BRAF: variants seen among roughly 807,000 people sequenced by gnomAD.
BRAF encodes B-Raf proto-oncogene, serine/threonine kinase.
BRAF carries 16 observed loss-of-function variants against 104.6 expected under a neutral mutation model. The ratio of observed to expected loss-of-function variants is 0.15; its 90% CI spans 0.10 to 0.23. The LOEUF (loss-of-function observed/expected upper bound fraction) is 0.23. Among genes scored for constraint, BRAF ranks in the 10% least tolerant of loss-of-function variants. The pLI is 1.00. For missense variants in BRAF, 541 were observed against 937.3 expected (o/e 0.58, Z 5.52); for synonymous variants, 310 against 341.6 (o/e 0.91, Z 1.02).
chr7:140,810,735 T>A (rs925865621), intron 3 of BRAF, among the ~76,000 whole-genome samples: 1 of 152,204 alleles, frequency 6.6e-6, no homozygotes, highest in Non-Finnish European at 1.5e-5. Flanking sequence ...TAAAATTTAT[T>A]TGTAACTCTA....
At chr7:140,846,353 A>C (rs1018373612) in intron 2 of BRAF, among the ~76,000 whole-genome samples, 4 of 152,226 alleles carry the variant, frequency 2.6e-5, no homozygotes, top group African/African-American at 9.6e-5. Flanking sequence ...TATATGCATT[A>C]TCCTTGTTGC....
intron 1 of BRAF, among the ~76,000 whole-genome samples, chr7:140,883,634 G>C (rs1813193975): frequency 1.3e-5 from 2 of 152,076 alleles, no homozygotes; most frequent in Admixed American, 6.6e-5. Context: ...AGATCATTCT[G>C]GCTTTCTGCC....
intron 14 of BRAF, among the ~76,000 whole-genome samples, chr7:140,774,645 T>C (rs746403882): frequency 2.8e-4 from 43 of 152,116 alleles, no homozygotes; most frequent in Non-Finnish European, 5.4e-4. Flanking sequence ...GCCTAGTGAG[T>C]AGCTAGGACT....
intron 3 of BRAF, among the ~76,000 whole-genome samples, chr7:140,821,746 A>G (rs983425845): frequency 2.0e-5 from 3 of 152,154 alleles, no homozygotes; most frequent in Non-Finnish European, 4.4e-5. Context: ...ATATACATCC[A>G]AAAGAAAATG....
At chr7:140,781,345 T>A in intron 12 of BRAF, 1 of 538,176 alleles carries the variant, frequency 1.9e-6, no homozygotes, top group South Asian at 2.2e-5. Flanking sequence ...CTGGAGGAAT[T>A]CCCCTTTAAA....
At position 140,721,549 on chromosome 7, in the gene BRAF, C is replaced by T. The variant is rs1437355658; in HGVS notation, c.*4945G>A. ...ATCTTACCAGTATTTTTAATTTTAC[C>T]AGAGCTAGCAACATGGACCACAGAT... On this transcript the variant is annotated 3_prime_UTR_variant, in exon 20 of 20. Coordinates refer to ENST00000644969, the MANE Select transcript of BRAF (RefSeq NM_001374258.1). 1 of 1,454,824 alleles carries T rather than the reference C, an allele frequency of 6.9e-7. No homozygotes were observed. Among genetic ancestry groups the T allele is most frequent in the South Asian group, 1.4e-5 (1 of 70,172 alleles). 90.1% of individuals were successfully genotyped at this position (1,454,824 alleles called of 1,614,324 possible).
chr7:140,873,119 G>T (rs928746098), intron 1 of BRAF, among the ~76,000 whole-genome samples: 1 of 150,500 alleles, frequency 6.6e-6, no homozygotes, highest in Non-Finnish European at 1.5e-5. Flanking sequence ...CAGTGCTCTG[G>T]ACTTCAGCTA....
intron 1 of BRAF, among the ~76,000 whole-genome samples, chr7:140,873,560 CTG>C (rs150740907): frequency 1.3e-5 from 2 of 152,088 alleles, no homozygotes; most frequent in Non-Finnish European, 2.9e-5. Flanking sequence ...CAGCTAGAGA[CTG>C]TGTGTGTGTG....
Position 140,723,122 on chromosome 7 carries a change from G to A in BRAF, c.*3372C>T, listed in dbSNP as rs544027949. On this transcript the variant is annotated 3_prime_UTR_variant, in exon 20 of 20. Coordinates refer to ENST00000644969, the MANE Select transcript of BRAF (RefSeq NM_001374258.1). ...CACCTGAACCCTGCAATGTGGTTTC[G>A]AACTAAAGCTAGAGATGAGGTTTGC... 22 of 1,050,956 alleles carry A rather than the reference G, an allele frequency of 2.1e-5. No individual in the cohort carries two copies. Among genetic ancestry groups the A allele is most frequent in the Middle Eastern group, 4.3e-4 (1 of 2,314 alleles). The allele number at this position is 1,050,956 out of a possible 1,614,324, so 65.1% of individuals were successfully genotyped here.
intron 16 of BRAF, among the ~76,000 whole-genome samples, chr7:140,751,352 G>T (rs987383664): frequency 6.6e-6 from 1 of 152,198 alleles, no homozygotes; most frequent in East Asian, 1.9e-4. Context: ...TTTAGGTTTT[G>T]CAATTTCAGC....
At chr7:140,741,069 G>C (rs895929984) in intron 17 of BRAF, 1 of 152,126 alleles carries the variant, frequency 6.6e-6, no homozygotes, top group East Asian at 1.9e-4. Flanking sequence ...CTTCAAACAG[G>C]GGTCTTCAAA....
intron 3 of BRAF, among the ~76,000 whole-genome samples, chr7:140,827,875 A>G (rs1806237845): frequency 6.6e-6 from 1 of 152,140 alleles, no homozygotes; most frequent in Non-Finnish European, 1.5e-5. Context: ...ATAACATTTT[A>G]CTGATGGACA....
intron 5 of BRAF, 60 bp downstream of exon 5, chr7:140,807,900 A>T: frequency 2.9e-6 from 4 of 1,366,690 alleles, no homozygotes; most frequent in Non-Finnish European, 4.1e-6. Context: ...CTAAATAAAA[A>T]TTCATTCATT....
chr7:140,781,786 G>T, intron 11 of BRAF, 93 bp from the exon 11 acceptor site: 1 of 978,566 alleles, frequency 1.0e-6, no homozygotes, highest in Non-Finnish European at 1.6e-6. Context: ...GCCTGAGAGG[G>T]ATACAGGAAG....
At position 140,722,689 on chromosome 7, in the gene BRAF, TTC is replaced by T; in HGVS notation, c.*3803_*3804del. 9.5e-7 allele frequency: 1 copy of T among 1,051,624 alleles called. No individual in the cohort carries two copies. The highest frequency in any genetic ancestry group is 1.1e-6 in the Non-Finnish European group (1 of 870,690). The allele number at this position is 1,051,624 out of a possible 1,614,324, so 65.1% of individuals were successfully genotyped here. A position where few individuals can be genotyped will look rare whatever the true frequency, so the allele number is the denominator to read the frequency against. ...TTCTACCCTCTTAGCTGGGTGGTCTTTCTATGAATGCCTGTGCATGTGACAAA... is the reference window on the plus strand; with the variant it reads ...TTCTACCCTCTTAGCTGGGTGGTCTTTATGAATGCCTGTGCATGTGACAAA... On this transcript the variant is annotated 3_prime_UTR_variant, in exon 20 of 20. Coordinates refer to ENST00000644969, the MANE Select transcript of BRAF (RefSeq NM_001374258.1).
chr7:140,856,482 A>C (rs961009425), intron 1 of BRAF, among the ~76,000 whole-genome samples: 1 of 152,222 alleles, frequency 6.6e-6, no homozygotes, highest in Non-Finnish European at 1.5e-5. Context: ...ATTTCTACTG[A>C]GATAACTCTG....
chr7:140,778,673 T>C (rs1000812111), intron 12 of BRAF, among the ~76,000 whole-genome samples: 1 of 151,634 alleles, frequency 6.6e-6, no homozygotes, highest in Non-Finnish European at 1.5e-5. Context: ...ACTTTGCACA[T>C]GTACCCTAAA....
chr7:140,775,281 A>G (rs187352451), intron 14 of BRAF, among the ~76,000 whole-genome samples: 9 of 152,298 alleles, frequency 5.9e-5, no homozygotes, highest in Admixed American at 2.0e-4. Flanking sequence ...TGGGAAGAGA[A>G]TAAGCCTTTG....
chr7:140,898,718 G>T (rs935946194), intron 1 of BRAF, among the ~76,000 whole-genome samples: 1 of 152,142 alleles, frequency 6.6e-6, no homozygotes, highest in Non-Finnish European at 1.5e-5. Flanking sequence ...CCTCCCTGAG[G>T]TAGTCACTAT....
Sources: gnomAD v4.1 joint callset for allele counts (sites outside exome capture counted in the v4.1 genomes callset) on GRCh38, gnomAD v4.1.1 for gene constraint, MANE v1.5 for transcripts, NCBI Gene and HGNC (gene_info 2026-07-23, HGNC 2026-07-21) for gene names.